Variants in BMPR2 observed in about 807,000 individuals in gnomAD.
BMPR2 encodes bone morphogenetic protein receptor type 2, also known as bone morphogenetic protein receptor type-2.
BMPR2 carries 29 observed loss-of-function variants against 100.8 expected under a neutral mutation model. The ratio of observed to expected loss-of-function variants is 0.29; its 90% CI spans 0.21 to 0.39. The LOEUF (loss-of-function observed/expected upper bound fraction) is 0.39. BMPR2 is among the 10% of genes least tolerant of loss of function. The pLI is 1.00. For synonymous variants in BMPR2, 382 were observed against 442.3 expected, an observed-to-expected ratio of 0.86 and a Z score of 1.71; for missense variants, 1,011 against 1,274.5, an observed-to-expected ratio of 0.79 and a Z score of 3.15.
At chr2:202,383,169 C>T (rs1690336934) in intron 1 of BMPR2, among the ~76,000 whole-genome samples, 2 of 152,206 alleles carry the variant, frequency 1.3e-5, no homozygotes, top group African/African-American at 4.8e-5. Flanking sequence ...AAGTGGCTTA[C>T]TCTGTAATCC....
chr2:202,481,970 A>C (rs549728059), intron 3 of BMPR2, among the ~76,000 whole-genome samples: 15 of 152,302 alleles, frequency 9.8e-5, no homozygotes, highest in African/African-American at 3.6e-4. Flanking sequence ...ATACCCATTA[A>C]ATAACAACTC....
chr2:202,454,222 A>G (rs893500392), intron 1 of BMPR2, among the ~76,000 whole-genome samples: 4 of 151,938 alleles, frequency 2.6e-5, no homozygotes, highest in Non-Finnish European at 4.4e-5. Flanking sequence ...GGCACACACC[A>G]CCACACCTGG....
intron 3 of BMPR2, among the ~76,000 whole-genome samples, chr2:202,492,700 C>CA (rs1166246933): frequency 0.094 from 4,727 of 50,360 alleles, 42 homozygotes; most frequent in Middle Eastern, 0.14. Context: ...AGCTCTGTCT[C>CA]AAAAAAAAAA....
At chr2:202,543,764 T>C (rs1234726144) in intron 10 of BMPR2, among the ~76,000 whole-genome samples, 1 of 152,218 alleles carries the variant, frequency 6.6e-6, no homozygotes, top group African/African-American at 2.4e-5. Context: ...ATTCATCTAA[T>C]ATTTAAATAC....
chr2:202,459,958 G>A (rs756263455), intron 1 of BMPR2, among the ~76,000 whole-genome samples: 9 of 151,982 alleles, frequency 5.9e-5, no homozygotes, highest in Admixed American at 2.6e-4. Context: ...AAAGGAAATA[G>A]ATAGTTTTCA....
At chr2:202,471,212 T>C (rs1284470380) in intron 3 of BMPR2, among the ~76,000 whole-genome samples, 1 of 152,168 alleles carries the variant, frequency 6.6e-6, no homozygotes, top group Non-Finnish European at 1.5e-5. Flanking sequence ...TGTGAACCAC[T>C]GGAAGGAAAA....
At position 202,503,214 on chromosome 2, in the gene BMPR2, C is replaced by T. The variant is rs943522385; in HGVS notation, c.419-10505C>T. On this transcript the variant is annotated intron_variant, in intron 3 of 12. Coordinates refer to ENST00000374580, the MANE Select transcript of BMPR2 (RefSeq NM_001204.7). This position sits in a 1 kb window ranked among gnomAD's most constrained non-coding sequence, Gnocchi z 4.0. ...GTTTAGAGGGGGGATTGAGAGGTAA[C>T]AGCGTGCTGGCAGTCCTCACAGCCC... Among the ~76,000 whole-genome samples the T allele has an allele frequency of 2.0e-5, 3 of 152,236 alleles. No individual in the cohort carries two copies. The highest frequency in any genetic ancestry group is 7.2e-5 in the African/African-American group (3 of 41,466).
chr2:202,497,671 C>A (rs918959140), intron 3 of BMPR2, among the ~76,000 whole-genome samples: 3 of 152,188 alleles, frequency 2.0e-5, no homozygotes, highest in Non-Finnish European at 4.4e-5. Flanking sequence ...GTGAGACTTG[C>A]CCATCTATCG....
At chr2:202,484,123 T>G (rs749447595) in intron 3 of BMPR2, among the ~76,000 whole-genome samples, 2 of 152,208 alleles carry the variant, frequency 1.3e-5, no homozygotes, top group Non-Finnish European at 2.9e-5. Context: ...GAAGTAAGAT[T>G]TCTATACATT....
intron 1 of BMPR2, among the ~76,000 whole-genome samples, chr2:202,411,726 C>T (rs1032112407): frequency 2.0e-5 from 3 of 152,018 alleles, no homozygotes; most frequent in South Asian, 2.1e-4. Flanking sequence ...GACATAGCAT[C>T]GCCTCTGTGG....
chr2:202,545,062 T>G (rs1405857460), intron 10 of BMPR2, among the ~76,000 whole-genome samples: 2 of 152,004 alleles, frequency 1.3e-5, no homozygotes, highest in Non-Finnish European at 2.9e-5. Context: ...ATGCCTGGCC[T>G]GGTATTTTTT....
chr2:202,406,828 A>G (rs948450239), intron 1 of BMPR2, among the ~76,000 whole-genome samples: 2 of 152,222 alleles, frequency 1.3e-5, no homozygotes, highest in Non-Finnish European at 2.9e-5. Flanking sequence ...ATGGCGTAAT[A>G]AACTTAAAGC....
At chr2:202,555,051 CT>C (rs1421671162) in intron 11 of BMPR2, among the ~76,000 whole-genome samples, 200 bp from the exon 12 acceptor site, 1 of 152,082 alleles carries the variant, frequency 6.6e-6, no homozygotes, top group African/African-American at 2.4e-5. Flanking sequence ...TTTCAGTAGG[CT>C]TAATTCACAT....
intron 9 of BMPR2, among the ~76,000 whole-genome samples, chr2:202,533,261 A>C (rs1688060787): frequency 6.6e-6 from 1 of 151,376 alleles, no homozygotes; most frequent in African/African-American, 2.4e-5. Flanking sequence ...CAATGAAAGA[A>C]TACTCATTGG....
intron 7 of BMPR2, among the ~76,000 whole-genome samples, chr2:202,527,478 G>C (rs977470765): frequency 6.6e-6 from 1 of 150,480 alleles, no homozygotes; most frequent in Non-Finnish European, 1.5e-5. Flanking sequence ...GACGGAGCAA[G>C]ACTCCATCTC....
Position 202,503,566 on chromosome 2 carries a change from CGCT to C in BMPR2, c.419-10149_419-10147del, listed in dbSNP as rs934510077. Among the ~76,000 whole-genome samples the C allele has an allele frequency of 6.6e-6, 1 of 152,238 alleles. No individual in the cohort carries two copies. ...TCCCCCAGCAGTGCCAGCCCACCGG[CGCT>C]GCTCTCAGTTTCTCACTGGGTCTTA... On this transcript the variant is annotated intron_variant, in intron 3 of 12. Coordinates refer to ENST00000374580, the MANE Select transcript of BMPR2 (RefSeq NM_001204.7). The surrounding 1 kb of genome is among the most constrained non-coding windows in gnomAD (Gnocchi z 4.0).
At chr2:202,418,743 T>C (rs1235419446) in intron 1 of BMPR2, among the ~76,000 whole-genome samples, 4 of 152,214 alleles carry the variant, frequency 2.6e-5, no homozygotes, top group Admixed American at 2.0e-4. Flanking sequence ...AAGGTTCTTA[T>C]GCAAATGAAG....
At chr2:202,487,458 A>T (rs2105978875) in intron 3 of BMPR2, among the ~76,000 whole-genome samples, 1 of 152,354 alleles carries the variant, frequency 6.6e-6, no homozygotes. Context: ...AATAATGATC[A>T]GATTTCCATG....
At chr2:202,458,146 A>G (rs1355023162) in intron 1 of BMPR2, among the ~76,000 whole-genome samples, 1 of 151,756 alleles carries the variant, frequency 6.6e-6, no homozygotes, top group Non-Finnish European at 1.5e-5. Context: ...CCATATATAT[A>G]ATATTTAAAA....
Sources: allele counts gnomAD v4.1 joint callset (sites outside exome capture counted in the v4.1 genomes callset), GRCh38; gene constraint gnomAD v4.1.1; non-coding constraint Gnocchi (gnomAD v3.1); transcripts MANE v1.5; gene names NCBI Gene and HGNC (gene_info 2026-07-23, HGNC 2026-07-21).